Variants in ADAMTS16 observed in about 807,000 individuals in gnomAD.
ADAMTS16 encodes A disintegrin and metalloproteinase with thrombospondin motifs 16.
In ADAMTS16, 94 loss-of-function variants were observed where a neutral mutation model predicts 145.8. The ratio of observed to expected loss-of-function variants is 0.64; its 90% CI spans 0.55 to 0.77. ADAMTS16 has a LOEUF of 0.77. Among genes scored for constraint, ADAMTS16 ranks in the 30% least tolerant of loss-of-function variants. The pLI, the probability that ADAMTS16 is intolerant of heterozygous loss-of-function variation, is 0.00. For missense variants in ADAMTS16, 1,585 were observed against 1,591.5 expected, an observed-to-expected ratio of 1.00 and a Z score of 0.07; for synonymous variants, 659 against 604.3, an observed-to-expected ratio of 1.09 and a Z score of -1.33.
intron 10 of ADAMTS16, among the ~76,000 whole-genome samples, chr5:5,218,277 T>A (rs1736492529): frequency 6.6e-6 from 1 of 152,214 alleles, no homozygotes; most frequent in South Asian, 2.1e-4. Context: ...CACATATTTA[T>A]GGGGTGCTTG....
intron 10 of ADAMTS16, among the ~76,000 whole-genome samples, chr5:5,211,207 T>A (rs540047778): frequency 6.6e-6 from 1 of 152,290 alleles, no homozygotes; most frequent in East Asian, 1.9e-4. Flanking sequence ...GTGAGCTCTG[T>A]CTATGGAAAG....
intron 18 of ADAMTS16, among the ~76,000 whole-genome samples, chr5:5,271,778 A>G (rs930800771): frequency 4.6e-5 from 7 of 152,132 alleles, no homozygotes; most frequent in African/African-American, 1.7e-4. Context: ...AGTCTAGATA[A>G]CGCCGAGTAA....
intron 15 of ADAMTS16, 80 bp from the exon 16 acceptor site, chr5:5,239,601 C>T: frequency 6.4e-7 from 1 of 1,562,636 alleles, no homozygotes; most frequent in African/African-American, 1.4e-5. Context: ...GTTTTGTTTA[C>T]CGAGGACTGG....
At chr5:5,268,432 G>T (rs960505316) in intron 18 of ADAMTS16, among the ~76,000 whole-genome samples, 1 of 152,188 alleles carries the variant, frequency 6.6e-6, no homozygotes. Flanking sequence ...CACAGCTACT[G>T]CAACTGCGAC....
At chr5:5,237,315 T>C (rs184723868) in intron 14 of ADAMTS16, among the ~76,000 whole-genome samples, 90 of 152,314 alleles carry the variant, frequency 5.9e-4, no homozygotes, top group African/African-American at 2.1e-3. Flanking sequence ...GGGCCCGTTC[T>C]GTCTTAGATA....
chr5:5,180,986 T>A (rs976803166), intron 3 of ADAMTS16, among the ~76,000 whole-genome samples: 1 of 152,234 alleles, frequency 6.6e-6, no homozygotes, highest in Non-Finnish European at 1.5e-5. Context: ...TTTTAGTGGT[T>A]ATATAACCTC....
intron 3 of ADAMTS16, among the ~76,000 whole-genome samples, chr5:5,160,930 A>G (rs1734725466): frequency 1.3e-5 from 2 of 152,172 alleles, no homozygotes; most frequent in South Asian, 4.1e-4. Flanking sequence ...ATTTGGGCAC[A>G]TTTGTCTTAA....
intron 18 of ADAMTS16, among the ~76,000 whole-genome samples, chr5:5,268,724 G>A (rs73735778): frequency 0.11 from 17,108 of 152,214 alleles, 1,129 homozygotes; most frequent in East Asian, 0.27. Flanking sequence ...TGGCCCATGG[G>A]ATGTGAGCCT....
intron 11 of ADAMTS16, among the ~76,000 whole-genome samples, chr5:5,224,837 C>T (rs1247536553): frequency 6.6e-6 from 1 of 152,138 alleles, no homozygotes; most frequent in Non-Finnish European, 1.5e-5. Flanking sequence ...GGTGGTCCTC[C>T]AGGCATCCTG....
intron 18 of ADAMTS16, among the ~76,000 whole-genome samples, chr5:5,281,020 C>G (rs1053368423): frequency 2.0e-5 from 3 of 152,152 alleles, no homozygotes; most frequent in Non-Finnish European, 2.9e-5. Flanking sequence ...TTCCTTCTAG[C>G]CAGCAATATT....
chr5:5,209,119 A>C lies in ADAMTS16; in HGVS notation c.1478A>C (p.Asp493Ala). 1.2e-6 allele frequency: 2 copies of C among 1,613,872 alleles called. No homozygotes were observed. The highest frequency in any genetic ancestry group is 1.7e-6 in the Non-Finnish European group (2 of 1,179,814). The part of the protein sequence containing the change: ...LSTAQAICLA[D>A]QPKPVKEYKY... ...ACCGCTCAAGCTATCTGCCTTGCTG[A>C]TCAGCCAAAGCCTGTGAAGGAATAC... The change falls in exon 10 of 23, where the codon GAT (aspartate) becomes GCT (alanine). Residue 493 changes from aspartate (D) to alanine (A), a missense_variant. This residue lies in a region of ADAMTS16 where 298 missense variants were observed against 367.6 expected (regional missense o/e 0.81). Transcript: ENST00000274181.
chr5:5,163,647 T>C (rs149905948), intron 3 of ADAMTS16, among the ~76,000 whole-genome samples: 15 of 152,330 alleles, frequency 9.8e-5, no homozygotes, highest in South Asian at 2.1e-4. Flanking sequence ...GGCCATGTCT[T>C]TAGTCTGTGT....
intron 18 of ADAMTS16, among the ~76,000 whole-genome samples, chr5:5,279,185 T>G (rs890386245): frequency 1.3e-5 from 2 of 152,244 alleles, no homozygotes; most frequent in Non-Finnish European, 2.9e-5. Context: ...TCTGCCATGC[T>G]GAACACCCTG....
chr5:5,232,862 C>T (rs2126370959), intron 12 of ADAMTS16, among the ~76,000 whole-genome samples: 1 of 152,214 alleles, frequency 6.6e-6, no homozygotes, highest in East Asian at 1.9e-4. Flanking sequence ...CGTGACCTCC[C>T]AAAGTGCTGG....
chr5:5,253,837 G>C (rs1262776947), intron 17 of ADAMTS16, among the ~76,000 whole-genome samples: 1 of 152,076 alleles, frequency 6.6e-6, no homozygotes, highest in Non-Finnish European at 1.5e-5. Flanking sequence ...CTTTCCTCTG[G>C]ACTTCCAAGA....
intron 6 of ADAMTS16, among the ~76,000 whole-genome samples, chr5:5,188,324 C>A (rs114106826): frequency 1.3e-4 from 20 of 152,264 alleles, no homozygotes; most frequent in African/African-American, 4.3e-4. Context: ...GACTTTCAAG[C>A]GCATTTCCCT....
chr5:5,231,964 C>T (rs142490361), intron 11 of ADAMTS16, among the ~76,000 whole-genome samples: 271 of 152,246 alleles, frequency 1.8e-3, no homozygotes, highest in South Asian at 3.7e-3. Context: ...GCTGTGCTTT[C>T]CTACCTGAGA....
chr5:5,311,737 TG>T (rs200540067), intron 21 of ADAMTS16, among the ~76,000 whole-genome samples: 34 of 151,068 alleles, frequency 2.3e-4, no homozygotes, highest in African/African-American at 5.3e-4. Context: ...TTTTTTTGGT[TG>T]TTTTTTTTTT....
intron 3 of ADAMTS16, among the ~76,000 whole-genome samples, chr5:5,159,428 A>G (rs1734686686): frequency 6.6e-6 from 1 of 152,182 alleles, no homozygotes. Flanking sequence ...TTTGAGTAAC[A>G]ACATATGAAA....
Sources: gnomAD v4.1 joint callset for allele counts (sites outside exome capture counted in the v4.1 genomes callset) on GRCh38, gnomAD v4.1.1 for gene constraint, gnomAD v4.1.1 regional missense constraint, MANE v1.5 for transcripts, NCBI Gene and HGNC (gene_info 2026-07-23, HGNC 2026-07-21) for gene names.